EML6: variants seen among roughly 807,000 people sequenced by gnomAD.
The protein encoded by EML6 is EMAP like 6.
EML6 carries 154 observed loss-of-function variants against 240.1 expected under a neutral mutation model. The observed-to-expected ratio is 0.64, with a 90% CI of 0.56 to 0.73. The LOEUF is 0.73. EML6 is among the 30% of genes least tolerant of loss of function. The pLI is 0.00. For synonymous variants in EML6, 1,148 were observed against 899.0 expected, an observed-to-expected ratio of 1.28 and a Z score of -4.95; for missense variants, 2,964 against 2,474.6, an observed-to-expected ratio of 1.20 and a Z score of -4.20.
chr2:54,911,034 C>A lies in EML6; in HGVS notation c.3490C>A (p.Pro1164Thr), dbSNP rs376607603. The change falls in exon 25 of 42, where the codon CCT becomes ACT. Residue 1164 changes from proline (P) to threonine (T), a missense_variant. Pro to Thr is a conservative substitution (Grantham distance 38). Coordinates refer to ENST00000356458, the MANE Select transcript of EML6 (RefSeq NM_001039753.4). Reference protein sequence around the residue: ...APRGKRHIIRPSEIEKIEWDT... With the variant: ...APRGKRHIIRTSEIEKIEWDT... ...AAGAGGCAAACGGCATATAATAAGA[C>A]CTTCAGAGGTAATAATCATACACAA... 9.4e-6 allele frequency: 14 copies of A among 1,496,554 alleles called. No homozygotes were observed. In the East Asian group the frequency reaches 9.9e-5, roughly 11 times the overall value. The allele number at this position is 1,496,554 out of a possible 1,614,324, so 92.7% of individuals were successfully genotyped here.
At chr2:54,854,904 C>T (rs35727501) in intron 11 of EML6, among the ~76,000 whole-genome samples, 9,683 of 152,214 alleles carry the variant, frequency 0.064, 382 homozygotes, top group East Asian at 0.23. Flanking sequence ...TAAGTTAGGC[C>T]TCCAAGAAAG....
intron 28 of EML6, among the ~76,000 whole-genome samples, chr2:54,940,626 C>A (rs1437696137): frequency 1.3e-5 from 2 of 152,310 alleles, no homozygotes; most frequent in East Asian, 1.9e-4. Flanking sequence ...TAGCCTGATT[C>A]TCTTAATATT....
At chr2:54,850,576 A>AG (rs1432986159) in intron 10 of EML6, among the ~76,000 whole-genome samples, 2 of 118,752 alleles carry the variant, frequency 1.7e-5, no homozygotes, top group East Asian at 4.4e-4. Flanking sequence ...GATAAGAGCA[A>AG]GGAAAAAAAA....
At chr2:54,879,898 G>C (rs556274033) in intron 17 of EML6, 4 of 430,396 alleles carry the variant, frequency 9.3e-6, no homozygotes, top group East Asian at 4.1e-5. Context: ...TGAGTGGTCT[G>C]TGTAATCTGT....
chr2:54,907,832 C>G (rs1238778761), intron 24 of EML6, among the ~76,000 whole-genome samples: 1 of 152,070 alleles, frequency 6.6e-6, no homozygotes, highest in Non-Finnish European at 1.5e-5. Flanking sequence ...AGTTTTTGTT[C>G]TTGCTTCTGC....
intron 28 of EML6, among the ~76,000 whole-genome samples, chr2:54,929,775 G>T (rs1251396150): frequency 1.3e-5 from 2 of 151,888 alleles, no homozygotes; most frequent in African/African-American, 4.8e-5. Context: ...TAAATGGTGG[G>T]TGTGCTACTG....
At chr2:54,910,817 G>A (rs566263593) in intron 24 of EML6, 137 bp from the exon 25 acceptor site, 4 of 555,500 alleles carry the variant, frequency 7.2e-6, no homozygotes, top group East Asian at 5.6e-5. Flanking sequence ...ATGCCCTTCT[G>A]AATAATTCAA....
chr2:54,805,038 C>G (rs887962871), intron 2 of EML6, among the ~76,000 whole-genome samples: 1 of 152,154 alleles, frequency 6.6e-6, no homozygotes, highest in Non-Finnish European at 1.5e-5. Flanking sequence ...GTCTTGGCTC[C>G]TAACATATGT....
chr2:54,840,168 A>C (rs1194097249), intron 7 of EML6, among the ~76,000 whole-genome samples: 1 of 152,182 alleles, frequency 6.6e-6, no homozygotes, highest in African/African-American at 2.4e-5. Context: ...GGCCCTTGGG[A>C]CAAATTCAAG....
At position 54,820,041 on chromosome 2, in the gene EML6, G is replaced by GCTAT. The variant is rs1196781244; in HGVS notation, c.457-350_457-347dup. Among the ~76,000 whole-genome samples, 5 of 152,116 alleles carry GCTAT rather than the reference G, an allele frequency of 3.3e-5. No homozygotes were observed. The East Asian group carries it at 9.6e-4, about 29-fold the overall frequency. The stretch of plus-strand genomic sequence containing the variant: ...TAATTCTTTAAATTTCTATTGAAAA[G>GCTAT]CTATCTCCAAAGTGTTAGCACTGTG... On this transcript the variant is annotated intron_variant, in intron 4 of 41. Transcript: ENST00000356458.
At chr2:54,797,263 G>A (rs1405676481) in intron 2 of EML6, among the ~76,000 whole-genome samples, 3 of 151,560 alleles carry the variant, frequency 2.0e-5, no homozygotes, top group Non-Finnish European at 2.9e-5. Flanking sequence ...GTTGAGGATG[G>A]ATGCTGCTGG....
At chr2:54,900,524 G>T (rs1252433441) in intron 22 of EML6, among the ~76,000 whole-genome samples, 2 of 152,214 alleles carry the variant, frequency 1.3e-5, no homozygotes, top group African/African-American at 4.8e-5. Flanking sequence ...GACAGGAGGA[G>T]AGGACAATTG....
chr2:54,793,751 G>A (rs957975196), intron 2 of EML6, among the ~76,000 whole-genome samples: 5 of 152,102 alleles, frequency 3.3e-5, no homozygotes, highest in African/African-American at 9.7e-5. Flanking sequence ...TCCAGGAAGC[G>A]GGGCTGGTTT....
chr2:54,921,067 T>G (rs1674225105), intron 26 of EML6, among the ~76,000 whole-genome samples: 1 of 151,806 alleles, frequency 6.6e-6, no homozygotes, highest in African/African-American at 2.4e-5. Context: ...AGCCGAAAAC[T>G]TTTCCTTTAA....
At chr2:54,860,672 G>T (rs372069518) in intron 12 of EML6, among the ~76,000 whole-genome samples, 40 of 151,942 alleles carry the variant, frequency 2.6e-4, no homozygotes, top group South Asian at 8.3e-4. Flanking sequence ...CTCCCACTTC[G>T]GGGAGCAGAG....
Position 54,928,821 on chromosome 2 carries a change from G to A in EML6, c.4004+70G>A, listed in dbSNP as rs868106074. ...AAGAAACTTGTTTAAGCCAGAGTGC[G>A]TTTTCTTTGCCCTCAAAGTTGCTGT... On this transcript the variant is annotated intron_variant, in intron 28 of 41. Coordinates refer to ENST00000356458, the MANE Select transcript of EML6 (RefSeq NM_001039753.4). 52 of 1,527,154 alleles carry A rather than the reference G, an allele frequency of 3.4e-5. 1 individual carries two copies. The highest frequency in any genetic ancestry group is 2.9e-4 in the African/African-American group (21 of 72,424). The allele number at this position is 1,527,154 out of a possible 1,614,324, so 94.6% of individuals were successfully genotyped here. A position where few individuals can be genotyped will look rare whatever the true frequency, so the allele number is the denominator to read the frequency against.
rs760462360 is a variant in EML6, at chr2:54,871,605, G to C, written c.2344G>C (p.Ala782Pro). ...AGGAGTGTGTGCACTTGATTTTTCAGGTAAGGTCCAGAGTGATTGACACAT... is the reference window on the plus strand; with the variant it reads ...AGGAGTGTGTGCACTTGATTTTTCACGTAAGGTCCAGAGTGATTGACACAT... ...QRGVCALDFS[A>P]DGKCLVSVGL... The change falls in exon 16 of 42, where the codon GCC becomes CCC. Residue 782 changes from alanine (A) to proline (P), a missense_variant and splice_region_variant. Physicochemically the swap from Ala to Pro is conservative, Grantham distance 27. Transcript: ENST00000356458. The C allele has an allele frequency of 6.5e-7, 1 of 1,547,396 alleles. No individual in the cohort carries two copies. The highest frequency in any genetic ancestry group is 1.2e-5 in the South Asian group (1 of 83,986).
rs1029458135 is a variant in EML6, at chr2:54,779,813, G to T, written c.198-33419G>T. 2.2e-5 allele frequency among the ~76,000 whole-genome samples: 3 copies of T among 139,216 alleles called. No homozygotes were observed. In the Admixed American group the frequency reaches 2.3e-4, roughly 11 times the overall value. The allele number at this position is 139,216 out of a possible 152,430, so 91.3% of individuals were successfully genotyped here. On this transcript the variant is annotated intron_variant, in intron 2 of 41. Coordinates refer to ENST00000356458, the MANE Select transcript of EML6 (RefSeq NM_001039753.4). ...GGAGGTGAAGGTTGCAGTGAGCCAA[G>T]ATCCTGCCAGTGCACTGCAGCCTGG...
intron 28 of EML6, among the ~76,000 whole-genome samples, chr2:54,939,591 C>T (rs117041953): frequency 6.6e-6 from 1 of 152,260 alleles, no homozygotes; most frequent in East Asian, 1.9e-4. Flanking sequence ...TTCAATAGCC[C>T]CCACTTGTGG....
Sources: allele counts gnomAD v4.1 joint callset (sites outside exome capture counted in the v4.1 genomes callset), GRCh38; gene constraint gnomAD v4.1.1; transcripts MANE v1.5; gene names NCBI Gene and HGNC (gene_info 2026-07-23, HGNC 2026-07-21).